Variants in GRIA3 observed in about 807,000 individuals in gnomAD.
GRIA3 encodes the protein glutamate ionotropic receptor AMPA type subunit 3, also known as glutamate receptor 3.
A neutral mutation model predicts 63.0 loss-of-function variants in GRIA3; 3 were observed. The ratio of observed to expected loss-of-function variants is 0.05; its 90% CI spans 0.02 to 0.12. The LOEUF (loss-of-function observed/expected upper bound fraction) is 0.12. Ranked by LOEUF, GRIA3 falls within the 10% of genes least tolerant of loss-of-function variation. The pLI is 1.00. For missense variants in GRIA3, 347 were observed against 700.9 expected (o/e 0.50, Z 5.70); for synonymous variants, 274 against 257.9 (o/e 1.06, Z -0.60).
At chrX:123,364,160 T>G (rs1415637690) in intron 5 of GRIA3, among the ~76,000 whole-genome samples, 1 of 112,375 alleles carries the variant, frequency 8.9e-6, no homozygotes, top group Non-Finnish European at 1.9e-5. Flanking sequence ...CAACCCTTAA[T>G]TATTAAAATC....
intron 12 of GRIA3, among the ~76,000 whole-genome samples, chrX:123,452,140 G>C (rs148887225): frequency 5.7e-4 from 63 of 111,352 alleles, no homozygotes; most frequent in African/African-American, 2.0e-3. Context: ...GCAGCTGTAG[G>C]ACCATTGTTG....
chrX:123,409,457 G>T (rs2045493981), intron 10 of GRIA3, among the ~76,000 whole-genome samples: 1 of 111,904 alleles, frequency 8.9e-6, no homozygotes, highest in Non-Finnish European at 1.9e-5. Context: ...GTATCTCTAA[G>T]AAGGCTATTT....
intron 3 of GRIA3, among the ~76,000 whole-genome samples, chrX:123,306,043 T>C (rs2044753073): frequency 9.0e-6 from 1 of 111,620 alleles, no homozygotes; most frequent in African/African-American, 3.3e-5. Context: ...AGGCAAATTA[T>C]AATAGACCCT....
At position 123,226,926 on chromosome X, in the gene GRIA3, A is replaced by G. The variant is rs754145768; in HGVS notation, c.269-26377A>G. 3.5e-3 allele frequency among the ~76,000 whole-genome samples: 224 copies of G among 63,373 alleles called. 3 individuals are homozygous for G. Among genetic ancestry groups the G allele is most frequent in the Non-Finnish European group, 4.3e-3 (121 of 28,175 alleles). 55.0% of individuals were successfully genotyped at this position (63,373 alleles called of 115,157 possible). A position where few individuals can be genotyped will look rare whatever the true frequency, so the allele number is the denominator to read the frequency against. On this transcript the variant is annotated intron_variant, in intron 2 of 15. Coordinates refer to ENST00000620443, the MANE Select transcript of GRIA3 (RefSeq NM_007325.5). ...CCTGTCCCTCTCCCTGACCCCCTCCAATACACACACACACTTAGAATAATA... is the reference window on the plus strand; with the variant it reads ...CCTGTCCCTCTCCCTGACCCCCTCCGATACACACACACACTTAGAATAATA...
chrX:123,312,969 C>T (rs1295497615), intron 3 of GRIA3, among the ~76,000 whole-genome samples: 1 of 111,436 alleles, frequency 9.0e-6, no homozygotes, highest in Admixed American at 9.6e-5. Flanking sequence ...TTCTGGCTCT[C>T]ATATTTGAGA....
chrX:123,191,706 G>A (rs1384567741), intron 2 of GRIA3, among the ~76,000 whole-genome samples: 1 of 110,798 alleles, frequency 9.0e-6, no homozygotes, highest in African/African-American at 3.3e-5. Context: ...GACTTTTCCA[G>A]ACCTAATTCC....
At position 123,404,848 on chromosome X, in the gene GRIA3, G is replaced by A; in HGVS notation, c.1434G>A (p.Gly478=). 1.7e-6 allele frequency: 2 copies of A among 1,209,458 alleles called. No homozygotes were observed. The highest frequency in any genetic ancestry group is 2.2e-6 in the Non-Finnish European group (2 of 893,354). ...IKYKLSIVGD[G]KYGARDPETK... is the part of the protein sequence containing the mutation. ...ACAAATTGTCCATCGTTGGTGACGG[G>A]AAATATGGTGCAAGGGATCCAGAGA... The change falls in exon 10 of 16, where the codon GGG becomes GGA. Residue 478 remains glycine (G), a synonymous_variant. Transcript: ENST00000620443.
chrX:123,354,167 C>G (rs1287549777), intron 4 of GRIA3, among the ~76,000 whole-genome samples: 4 of 111,237 alleles, frequency 3.6e-5, no homozygotes, highest in Admixed American at 2.9e-4. Context: ...ACATTTTGGG[C>G]CTGAGAATTC....
intron 4 of GRIA3, among the ~76,000 whole-genome samples, chrX:123,338,234 T>C (rs1373691502): frequency 8.9e-6 from 1 of 112,272 alleles, no homozygotes; most frequent in African/African-American, 3.2e-5. Flanking sequence ...GAATTGGGTG[T>C]GGCTACATCT....
rs760547182 is a variant in GRIA3, at chrX:123,185,815, G to A, written c.110-17G>A. ...GTGGGGGAACACAAGCCAAATCTCCGTTCCCTTTGCTTATAGGTGGACTTT... is the reference window on the plus strand; with the variant it reads ...GTGGGGGAACACAAGCCAAATCTCCATTCCCTTTGCTTATAGGTGGACTTT... On this transcript the variant is annotated splice_polypyrimidine_tract_variant and intron_variant, in intron 1 of 15. Coordinates refer to ENST00000620443, the MANE Select transcript of GRIA3 (RefSeq NM_007325.5). 1.2e-5 allele frequency: 15 copies of A among 1,205,046 alleles called. No homozygotes were observed. The highest frequency in any genetic ancestry group is 2.3e-4 in the Middle Eastern group (1 of 4,335).
chrX:123,203,183 C>T (rs1354980461), intron 2 of GRIA3, among the ~76,000 whole-genome samples: 1 of 111,448 alleles, frequency 9.0e-6, no homozygotes, highest in Non-Finnish European at 1.9e-5. Flanking sequence ...TTGTGTTCTC[C>T]AATTAAGCTA....
At chrX:123,242,381 G>T (rs1256220998) in intron 2 of GRIA3, among the ~76,000 whole-genome samples, 1 of 111,847 alleles carries the variant, frequency 8.9e-6, no homozygotes, top group Non-Finnish European at 1.9e-5. Context: ...AAACCTTAGG[G>T]CTGATCCAAA....
intron 3 of GRIA3, among the ~76,000 whole-genome samples, chrX:123,317,073 G>A (rs989768959): frequency 1.1e-4 from 12 of 110,852 alleles, no homozygotes; most frequent in African/African-American, 1.6e-4. Flanking sequence ...ACATGGTGGC[G>A]GCAAGAAAAA....
chrX:123,200,538 A>C (rs1437659095), intron 2 of GRIA3, among the ~76,000 whole-genome samples: 1 of 107,686 alleles, frequency 9.3e-6, no homozygotes, highest in African/African-American at 3.4e-5. Context: ...ATATTTATAT[A>C]TTTTATATAT....
intron 2 of GRIA3, among the ~76,000 whole-genome samples, chrX:123,238,065 C>T (rs774038573): frequency 4.5e-5 from 5 of 111,950 alleles, no homozygotes; most frequent in Non-Finnish European, 7.5e-5. Context: ...TACAGGTGGC[C>T]TTAAATACCA....
intron 3 of GRIA3, among the ~76,000 whole-genome samples, chrX:123,291,715 G>C (rs2044657279): frequency 9.0e-6 from 1 of 110,669 alleles, no homozygotes; most frequent in African/African-American, 3.3e-5. Flanking sequence ...CATCTCGTTT[G>C]CCAGAACTAT....
rs59142587 is a variant in GRIA3, at chrX:123,345,439, A to AACACACACACACACAC, written c.697-9430_697-9415dup. On this transcript the variant is annotated intron_variant, in intron 4 of 15. Transcript: ENST00000620443. Reference sequence around the variant, plus strand: ...TCTCTGAGTGGGAGCCCCCCTTCACAACACACACACACACACACACACACA... The same window carrying AACACACACACACACAC: ...TCTCTGAGTGGGAGCCCCCCTTCACAACACACACACACACACACACACACACACACACACACACACA... 6.5e-4 allele frequency among the ~76,000 whole-genome samples: 43 copies of AACACACACACACACAC among 65,871 alleles called. 1 individual carries two copies. The highest frequency in any genetic ancestry group is 2.5e-3 in the African/African-American group (38 of 15,178). The allele number at this position is 65,871 out of a possible 115,157, so 57.2% of individuals were successfully genotyped here.
rs185109448 is a variant in GRIA3, at chrX:123,403,371, G to A, written c.1186-41G>A. 36 of 872,672 alleles carry A rather than the reference G, an allele frequency of 4.1e-5. No individual in the cohort carries two copies. In the Admixed American group the frequency reaches 4.6e-4, roughly 11 times the overall value. The allele number at this position is 872,672 out of a possible 1,213,427, so 71.9% of individuals were successfully genotyped here. On this transcript the variant is annotated intron_variant, in intron 8 of 15. Coordinates refer to ENST00000620443, the MANE Select transcript of GRIA3 (RefSeq NM_007325.5). Reference sequence around the variant, plus strand: ...TCAATTTCATGCAGTACTTTTCTGAGGGAAAAATAGGCATCCAGGTCAAAT... The same window carrying A: ...TCAATTTCATGCAGTACTTTTCTGAAGGAAAAATAGGCATCCAGGTCAAAT...
At chrX:123,252,093 C>G (rs2044393722) in intron 2 of GRIA3, among the ~76,000 whole-genome samples, 1 of 111,840 alleles carries the variant, frequency 8.9e-6, no homozygotes, top group African/African-American at 3.3e-5. Context: ...AGGGAGGACT[C>G]CAGACCCCAT....
Sources: gnomAD v4.1 joint callset for allele counts (sites outside exome capture counted in the v4.1 genomes callset) on GRCh38, gnomAD v4.1.1 for gene constraint, MANE v1.5 for transcripts, NCBI Gene and HGNC (gene_info 2026-07-23, HGNC 2026-07-21) for gene names.